PDE1C: variants seen among roughly 807,000 people sequenced by gnomAD.
The protein encoded by PDE1C is phosphodiesterase 1C, also known as dual specificity calcium/calmodulin-dependent 3',5'-cyclic nucleotide phosphodiesterase 1C.
In PDE1C, 62 loss-of-function variants were observed where a neutral mutation model predicts 93.1. The ratio of observed to expected loss-of-function variants is 0.67; its 90% CI spans 0.54 to 0.82. The LOEUF (loss-of-function observed/expected upper bound fraction) is 0.82, where lower values mean the gene tolerates loss of function less well. Among genes scored for constraint, PDE1C ranks in the 40% least tolerant of loss-of-function variants. The pLI is 0.00. For synonymous variants in PDE1C, 325 were observed against 310.1 expected (o/e 1.05, Z -0.50); for missense variants, 742 against 884.6 (o/e 0.84, Z 2.04).
chr7:32,395,492 T>TG (rs1193618817), intron 1 of PDE1C, among the ~76,000 whole-genome samples: 2 of 151,546 alleles, frequency 1.3e-5, no homozygotes, highest in African/African-American at 4.9e-5. Context: ...GGTGGTGAGG[T>TG]GGGGGGTAGT....
chr7:32,382,246 G>A (rs565944202), intron 1 of PDE1C, among the ~76,000 whole-genome samples: 16 of 152,050 alleles, frequency 1.1e-4, no homozygotes, highest in African/African-American at 3.9e-4. Context: ...GACTCCCTGG[G>A]TTTATCATCC....
chr7:32,100,579 C>T (rs1234635547), intron 3 of PDE1C, among the ~76,000 whole-genome samples: 2 of 152,206 alleles, frequency 1.3e-5, no homozygotes, highest in African/African-American at 4.8e-5. Flanking sequence ...AAACATTGAT[C>T]AGCCTTCCCC....
chr7:32,408,753 C>T (rs1026511911), intron 1 of PDE1C, among the ~76,000 whole-genome samples: 4 of 152,026 alleles, frequency 2.6e-5, no homozygotes, highest in African/African-American at 9.7e-5. Context: ...TATGCTGCTG[C>T]ACTCCAGCCT....
intron 1 of PDE1C, among the ~76,000 whole-genome samples, chr7:32,423,090 C>G (rs1367319783): frequency 2.0e-5 from 3 of 152,156 alleles, no homozygotes; most frequent in Non-Finnish European, 2.9e-5. Flanking sequence ...ATGCAACCCT[C>G]AAGTCCAGGT....
At chr7:32,373,719 G>A (rs181756972) in intron 1 of PDE1C, among the ~76,000 whole-genome samples, 18 of 152,322 alleles carry the variant, frequency 1.2e-4, no homozygotes, top group Non-Finnish European at 2.1e-4. Context: ...TGGGCACAGT[G>A]GCTCATGCCT....
At chr7:31,696,785 G>C in the PDE1C span, among the ~76,000 whole-genome samples, 2 of 152,138 alleles carry the variant, frequency 1.3e-5, no homozygotes, top group Admixed American at 1.3e-4. Flanking sequence ...GTATAGACAA[G>C]GTTCCTAGTG....
At chr7:32,032,232 C>T (rs1790427940) in intron 2 of PDE1C, among the ~76,000 whole-genome samples, 2 of 152,140 alleles carry the variant, frequency 1.3e-5, no homozygotes, top group Non-Finnish European at 2.9e-5. Context: ...AGAGAAGAGG[C>T]TGCCTCAAAG....
At chr7:32,297,712 A>T (rs373523543) in intron 1 of PDE1C, among the ~76,000 whole-genome samples, 1 of 152,116 alleles carries the variant, frequency 6.6e-6, no homozygotes, top group South Asian at 2.1e-4. Context: ...TGGGGGAAAG[A>T]AAACAGGAGC....
chr7:31,684,542 A>G, the PDE1C span, among the ~76,000 whole-genome samples: 5 of 152,196 alleles, frequency 3.3e-5, no homozygotes, highest in Admixed American at 6.5e-5. Flanking sequence ...AGTATCTGGA[A>G]TATCTAGGAT....
chr7:31,678,863 C>A, the PDE1C span, among the ~76,000 whole-genome samples: 3 of 151,992 alleles, frequency 2.0e-5, no homozygotes, highest in African/African-American at 7.3e-5. Context: ...GCAGCCTGGT[C>A]GAAGAGGTAA....
chr7:32,282,424 C>T (rs1169278957), intron 1 of PDE1C, among the ~76,000 whole-genome samples: 2 of 135,514 alleles, frequency 1.5e-5, no homozygotes, highest in African/African-American at 5.8e-5. Flanking sequence ...TGCAGTGAGC[C>T]GAGATCGTGC....
chr7:31,847,478 CAT>C (rs768900395), intron 9 of PDE1C, among the ~76,000 whole-genome samples: 6 of 151,726 alleles, frequency 4.0e-5, no homozygotes, highest in Non-Finnish European at 7.4e-5. Flanking sequence ...GTGAAAAACA[CAT>C]GTTATTAAAT....
intron 2 of PDE1C, among the ~76,000 whole-genome samples, chr7:31,963,392 A>T (rs1809341204): frequency 6.6e-6 from 1 of 152,238 alleles, no homozygotes; most frequent in African/African-American, 2.4e-5. Context: ...ATCTTAAAAA[A>T]TGAAGTCTTC....
At chr7:31,887,394 T>A (rs1006183913) in intron 2 of PDE1C, among the ~76,000 whole-genome samples, 2 of 152,226 alleles carry the variant, frequency 1.3e-5, no homozygotes, top group Non-Finnish European at 2.9e-5. Context: ...TTCTACAGTT[T>A]CTAATTACAT....
chr7:31,937,437 T>G (rs1391952556), intron 2 of PDE1C, among the ~76,000 whole-genome samples: 1 of 152,194 alleles, frequency 6.6e-6, no homozygotes, highest in Non-Finnish European at 1.5e-5. Context: ...TCTGTTTTCA[T>G]GTTAATGCTG....
At chr7:32,333,876 C>T (rs188541287) in intron 1 of PDE1C, among the ~76,000 whole-genome samples, 5 of 152,240 alleles carry the variant, frequency 3.3e-5, no homozygotes, top group South Asian at 4.1e-4. Context: ...CATATTTTAA[C>T]GAGGATTAAG....
chr7:31,778,947 C>T (rs1258849807), intron 16 of PDE1C, among the ~76,000 whole-genome samples: 1 of 152,204 alleles, frequency 6.6e-6, no homozygotes, highest in Non-Finnish European at 1.5e-5. Context: ...TCCCCTGACT[C>T]TTGCTGCTTC....
intron 13 of PDE1C, 21 bp from the exon 14 acceptor site, chr7:31,823,269 A>T: frequency 6.3e-7 from 1 of 1,595,960 alleles, no homozygotes; most frequent in Non-Finnish European, 8.5e-7. Context: ...AAAAAATCAT[A>T]CCAAAGAAGA....
the PDE1C span, among the ~76,000 whole-genome samples, chr7:31,714,742 T>A: frequency 6.6e-3 from 1,004 of 152,324 alleles, 9 homozygotes; most frequent in African/African-American, 0.023. Flanking sequence ...CCTCTTTATA[T>A]AACTGTCAGA....
Sources: allele counts gnomAD v4.1 joint callset (sites outside exome capture counted in the v4.1 genomes callset), GRCh38; gene constraint gnomAD v4.1.1; transcripts MANE v1.5; gene names NCBI Gene and HGNC (gene_info 2026-07-23, HGNC 2026-07-21).